MKLN1: variants seen among roughly 807,000 people sequenced by gnomAD.
MKLN1 encodes the protein muskelin 1, also known as muskelin.
A neutral mutation model predicts 99.0 loss-of-function variants in MKLN1; 18 were observed. The ratio of observed to expected loss-of-function variants is 0.18; its 90% CI spans 0.13 to 0.27. MKLN1 has a LOEUF of 0.27. MKLN1 is among the 10% of genes least tolerant of loss of function. The pLI is 1.00. For synonymous variants in MKLN1, 288 were observed against 293.2 expected (o/e 0.98, Z 0.18); for missense variants, 621 against 875.9 (o/e 0.71, Z 3.67).
intron 3 of MKLN1, among the ~76,000 whole-genome samples, chr7:131,251,671 T>C (rs562253304): frequency 2.4e-5 from 2 of 83,488 alleles, no homozygotes; most frequent in African/African-American, 8.2e-5. Flanking sequence ...CAACATTTTC[T>C]TTTTTTTTTT....
At chr7:131,479,188 C>T (rs980302402) in intron 17 of MKLN1, among the ~76,000 whole-genome samples, 8 of 152,134 alleles carry the variant, frequency 5.3e-5, no homozygotes, top group African/African-American at 1.9e-4. Context: ...AAGTTTTTCT[C>T]AAACACTTTA....
chr7:131,451,372 T>C (rs949729242), intron 12 of MKLN1, among the ~76,000 whole-genome samples: 3 of 152,160 alleles, frequency 2.0e-5, no homozygotes, highest in Admixed American at 2.0e-4. Context: ...ATATTTACAA[T>C]GTGAGTATCA....
intron 1 of MKLN1, among the ~76,000 whole-genome samples, chr7:131,329,052 C>T (rs1355081036): frequency 6.6e-6 from 1 of 152,004 alleles, no homozygotes; most frequent in Non-Finnish European, 1.5e-5. Flanking sequence ...ATTTTATGAA[C>T]GAAACAAATT....
chr7:131,431,693 C>G (rs1029176563), intron 9 of MKLN1, among the ~76,000 whole-genome samples: 2 of 152,168 alleles, frequency 1.3e-5, no homozygotes, highest in African/African-American at 2.4e-5. Flanking sequence ...GGCATAGATA[C>G]AGGAAATTGT....
chr7:131,255,291 A>G (rs778835235), intron 3 of MKLN1, among the ~76,000 whole-genome samples: 10 of 152,178 alleles, frequency 6.6e-5, no homozygotes, highest in Admixed American at 1.3e-4. Context: ...AAGAAGTTCA[A>G]GTAACTCCAA....
At chr7:131,249,367 C>T (rs1229213887) in intron 3 of MKLN1, among the ~76,000 whole-genome samples, 1 of 152,206 alleles carries the variant, frequency 6.6e-6, no homozygotes, top group East Asian at 1.9e-4. Context: ...CAATGTAGCA[C>T]TCACAGCTGG....
chr7:131,168,290 C>T (rs913902256), intron 2 of MKLN1, among the ~76,000 whole-genome samples: 7 of 152,148 alleles, frequency 4.6e-5, no homozygotes, highest in Non-Finnish European at 8.8e-5. Flanking sequence ...TCCCATGCCT[C>T]ATTCCTCCGC....
rs1009941226 is a variant in MKLN1, at chr7:131,490,139, A to G, written c.*2411A>G. On this transcript the variant is annotated 3_prime_UTR_variant, in exon 18 of 18. Transcript: ENST00000352689. ...TACATGTATTTCCAAGAATTCCAGC[A>G]TAGATTATAATTTAAATAATCGAAT... 1.3e-5 allele frequency: 2 copies of G among 152,634 alleles called. No homozygotes were observed. Among genetic ancestry groups the G allele is most frequent in the African/African-American group, 4.8e-5 (2 of 41,472 alleles). The allele number at this position is 152,634 out of a possible 1,614,324, so 9.5% of individuals were successfully genotyped here. A position where few individuals can be genotyped will look rare whatever the true frequency, so the allele number is the denominator to read the frequency against.
chr7:131,153,899 G>T (rs928050431), intron 2 of MKLN1, among the ~76,000 whole-genome samples: 44 of 151,836 alleles, frequency 2.9e-4, no homozygotes, highest in African/African-American at 1.0e-3. Context: ...CTGACTTCAG[G>T]CAATCTGCCT....
At chr7:131,154,438 G>A (rs1795935522) in intron 2 of MKLN1, among the ~76,000 whole-genome samples, 1 of 152,154 alleles carries the variant, frequency 6.6e-6, no homozygotes. Context: ...AGGATTCTCA[G>A]CATGAGAGGA....
intron 11 of MKLN1, 32 bp downstream of exon 11, chr7:131,443,734 A>T (rs1795912318): frequency 7.0e-7 from 1 of 1,431,550 alleles, no homozygotes; most frequent in Non-Finnish European, 9.9e-7. Context: ...CGTAAATGTT[A>T]TTTTGTCATG....
chr7:131,373,119 C>T (rs1008320979), intron 1 of MKLN1, among the ~76,000 whole-genome samples: 5 of 151,994 alleles, frequency 3.3e-5, no homozygotes, highest in African/African-American at 1.2e-4. Flanking sequence ...TTAAATTTTT[C>T]TCCTGAAAAG....
intron 6 of MKLN1, among the ~76,000 whole-genome samples, chr7:131,410,642 G>A (rs1794846547): frequency 6.6e-6 from 1 of 152,036 alleles, no homozygotes; most frequent in Non-Finnish European, 1.5e-5. Flanking sequence ...AAGCACTGTT[G>A]GGGGAAAGAG....
intron 3 of MKLN1, among the ~76,000 whole-genome samples, chr7:131,231,981 TATA>T (rs1322844370): frequency 6.6e-6 from 1 of 152,192 alleles, no homozygotes; most frequent in Non-Finnish European, 1.5e-5. Flanking sequence ...TTACTGAAAT[TATA>T]ATATTTAGTT....
chr7:131,158,472 T>C (rs1449112038), intron 2 of MKLN1, among the ~76,000 whole-genome samples: 3 of 152,148 alleles, frequency 2.0e-5, no homozygotes, highest in Non-Finnish European at 4.4e-5. Context: ...TATTAACCTG[T>C]GTACATACTG....
chr7:131,291,105 ATTTATTTATTT>A (rs1798209283), intron 3 of MKLN1, among the ~76,000 whole-genome samples: 1 of 68,340 alleles, frequency 1.5e-5, no homozygotes, highest in Non-Finnish European at 3.6e-5. Flanking sequence ...ATTTTATTTT[ATTTATTTATTT>A]ATTTATTTAT....
chr7:131,375,610 T>A lies in MKLN1; in HGVS notation c.168+117T>A, dbSNP rs372880847. The A allele has an allele frequency of 6.7e-4, 419 of 629,904 alleles. 1 individual carries two copies. The highest frequency in any genetic ancestry group is 4.8e-3 in the Middle Eastern group (16 of 3,340). 39.0% of individuals were successfully genotyped at this position (629,904 alleles called of 1,614,324 possible). ...TTATTCTCTTTTTGAGATTGTGAGG[T>A]AAATTTTTATTCTCTCTATTTTTGC... On this transcript the variant is annotated intron_variant, in intron 2 of 17. Coordinates refer to ENST00000352689, the MANE Select transcript of MKLN1 (RefSeq NM_013255.5).
intron 12 of MKLN1, among the ~76,000 whole-genome samples, chr7:131,447,490 A>C (rs749621485): frequency 6.6e-6 from 1 of 152,138 alleles, no homozygotes; most frequent in Non-Finnish European, 1.5e-5. Context: ...GCTTGAGCCC[A>C]GGAGTTTGAG....
At chr7:131,190,483 G>GC (rs2116381346) in intron 2 of MKLN1, among the ~76,000 whole-genome samples, 1 of 151,576 alleles carries the variant, frequency 6.6e-6, no homozygotes, top group South Asian at 2.1e-4. Context: ...AATCTAAAGA[G>GC]CCCAGTAGCT....
Sources: gnomAD v4.1 joint callset for allele counts (sites outside exome capture counted in the v4.1 genomes callset) on GRCh38, gnomAD v4.1.1 for gene constraint, MANE v1.5 for transcripts, NCBI Gene and HGNC (gene_info 2026-07-23, HGNC 2026-07-21) for gene names.